The following NOTCH1 variants were observed in gnomAD, a reference collection of about 807,000 sequenced individuals.
The protein encoded by NOTCH1 is neurogenic locus notch homolog protein 1.
NOTCH1 carries 37 observed loss-of-function variants against 254.8 expected under a neutral mutation model. That is an observed-to-expected ratio of 0.15 (90% CI 0.11 to 0.19). The LOEUF is 0.19. Ranked by LOEUF, NOTCH1 falls within the 10% of genes least tolerant of loss-of-function variation. The pLI, the probability that NOTCH1 is intolerant of heterozygous loss-of-function variation, is 1.00. For synonymous variants in NOTCH1, 1,731 were observed against 1,618.1 expected, an observed-to-expected ratio of 1.07 and a Z score of -1.68; for missense variants, 2,972 against 3,708.6, an observed-to-expected ratio of 0.80 and a Z score of 5.16.
intron 21 of NOTCH1, among the ~76,000 whole-genome samples, 183 bp from the exon 22 acceptor site, chr9:136,507,620 C>T (rs1395120662): frequency 1.3e-5 from 2 of 152,208 alleles, no homozygotes. Context: ...GGCGGGGCCT[C>T]GGTGACCGGA....
At position 136,545,002 on chromosome 9, in the gene NOTCH1, TCC is replaced by T. The variant is rs1157939878; in HGVS notation, c.61+722_61+723del. 6.6e-6 allele frequency among the ~76,000 whole-genome samples: 1 copy of T among 151,988 alleles called. No individual in the cohort carries two copies. Among genetic ancestry groups the T allele is most frequent in the Non-Finnish European group, 1.5e-5 (1 of 67,978 alleles). On this transcript the variant is annotated intron_variant, in intron 1 of 33. Transcript: ENST00000651671. This position sits in a 1 kb window ranked among gnomAD's most constrained non-coding sequence, Gnocchi z 6.8. ...AGAAAGAGTGGATTAATCACTCGAT[TCC>T]CCAGAGACCCCGCTCGCTGTGCGGC...
At chr9:136,539,714 G>C (rs1843704441) in intron 2 of NOTCH1, among the ~76,000 whole-genome samples, 1 of 152,196 alleles carries the variant, frequency 6.6e-6, no homozygotes, top group African/African-American at 2.4e-5. Flanking sequence ...ATAAACAGGA[G>C]GTCCTGTCAC....
chr9:136,518,068 C>G, intron 7 of NOTCH1, 69 bp downstream of exon 7: 2 of 1,551,608 alleles, frequency 1.3e-6, no homozygotes, highest in Admixed American at 1.9e-5. Flanking sequence ...AAGCCAGAAT[C>G]GACTTCTCAT....
At chr9:136,534,738 G>A (rs1288867785) in intron 2 of NOTCH1, among the ~76,000 whole-genome samples, 1 of 151,970 alleles carries the variant, frequency 6.6e-6, no homozygotes, top group African/African-American at 2.4e-5. Context: ...GACCCCGATG[G>A]GGCCGCTGTG....
chr9:136,500,657 G>T lies in NOTCH1; in HGVS notation c.5829C>A (p.Ala1943=), dbSNP rs1036442909. 3 of 1,611,798 alleles carry T rather than the reference G, an allele frequency of 1.9e-6. No individual in the cohort carries two copies. The highest frequency in any genetic ancestry group is 2.5e-6 in the Non-Finnish European group (3 of 1,179,900). The change falls in exon 31 of 34, where the codon GCC becomes GCA. Residue 1943 remains alanine, a synonymous_variant. Coordinates refer to ENST00000651671, the MANE Select transcript of NOTCH1 (RefSeq NM_017617.5). ...HLAARYSRSD[A]AKRLLEASAD... The stretch of plus-strand genomic sequence containing the variant: ...CGCTGGCCTCCAGCAGGCGCTTGGC[G>T]GCATCAGAGCGTGAGTAGCGGGCGG...
Position 136,499,012 on chromosome 9 carries a change from A to C in NOTCH1, c.6083-16T>G, listed in dbSNP as rs1050080917. 1 of 1,612,998 alleles carries C rather than the reference A, an allele frequency of 6.2e-7. No individual in the cohort carries two copies. The highest frequency in any genetic ancestry group is 1.7e-5 in the Admixed American group (1 of 60,018). On this transcript the variant is annotated splice_polypyrimidine_tract_variant and intron_variant, in intron 32 of 33. Transcript: ENST00000651671. ...GCGGACTTGCCTGCGTGAAAGAAGC[A>C]GATGGGGTAGGTTGGAGACCAGCTG...
intron 2 of NOTCH1, among the ~76,000 whole-genome samples, chr9:136,525,879 C>T (rs1022202579): frequency 1.3e-5 from 2 of 152,256 alleles, no homozygotes; most frequent in Non-Finnish European, 2.9e-5. Context: ...GTGACCACGG[C>T]TTGGGTAGAG....
Position 136,507,377 on chromosome 9 carries a change from G to T in NOTCH1, c.3571C>A (p.Pro1191Thr). ...SEEIDECLSHPCQNGGTCLDL... is the reference protein window; with the variant it reads ...SEEIDECLSHTCQNGGTCLDL... ...AGGCAGGTGCCCCCGTTCTGGCAGG[G>T]GTGGGAGAGGCACTCGTCGATCTCC... The change falls in exon 22 of 34, where the codon CCC becomes ACC. Residue 1191 changes from proline to threonine, a missense_variant. By Grantham distance (38) the Pro-to-Thr change is conservative. Around this residue, in one of 8 missense-constraint regions of NOTCH1, gnomAD observed 1,343 missense variants for 1,557.0 expected, o/e 0.86. Coordinates refer to ENST00000651671, the MANE Select transcript of NOTCH1 (RefSeq NM_017617.5). 1 of 1,612,574 alleles carries T rather than the reference G, an allele frequency of 6.2e-7. No individual in the cohort carries two copies. Among genetic ancestry groups the T allele is most frequent in the Non-Finnish European group, 8.5e-7 (1 of 1,179,776 alleles).
rs202229687 is a variant in NOTCH1, at chr9:136,497,073, C to T, written c.6666G>A (p.Pro2222=). The stretch of plus-strand genomic sequence containing the variant: ...GGGGCACGGACGGAGACTGCTGGAA[C>T]GGGGAGGGCAGCAGTGGCGGCGAGG... ...DVASPPLLPS[P]FQQSPSVPLN... The change falls in exon 34 of 34, where the codon CCG becomes CCA. Residue 2222 remains proline (P), a synonymous_variant. Transcript: ENST00000651671. 1.1e-4 allele frequency: 174 copies of T among 1,609,430 alleles called. No individual in the cohort carries two copies. The highest frequency in any genetic ancestry group is 1.5e-4 in the South Asian group (14 of 90,990).
intron 9 of NOTCH1, 141 bp from the exon 10 acceptor site, chr9:136,516,235 T>C: frequency 1.5e-6 from 1 of 663,968 alleles, no homozygotes; most frequent in Non-Finnish European, 2.7e-6. Context: ...GCTCCAGCTC[T>C]CCCTGCCTCC....
At position 136,523,895 on chromosome 9, in the gene NOTCH1, G is replaced by A. The variant is rs776616401; in HGVS notation, c.225C>T (p.His75=). 16 of 1,608,610 alleles carry A rather than the reference G, an allele frequency of 9.9e-6. No homozygotes were observed. In the East Asian group the frequency reaches 1.6e-4, roughly 16 times the overall value. Residue 75 remains histidine (H), a synonymous_variant, in exon 3 of 34, where the codon CAC becomes CAT. Transcript: ENST00000651671. The part of the protein sequence containing the change: ...STPCKNAGTC[H]VVDRRGVADY... Reference sequence around the variant, plus strand: ...CTGCCACGCCTCTGCGGTCCACCACGTGGCATGTCCCGGCGTTCTTGCAGG... The same window carrying A: ...CTGCCACGCCTCTGCGGTCCACCACATGGCATGTCCCGGCGTTCTTGCAGG...
chr9:136,496,604 G>C lies in NOTCH1; in HGVS notation c.7135C>G (p.Leu2379Val). 1 of 1,612,976 alleles carries C rather than the reference G, an allele frequency of 6.2e-7. No individual in the cohort carries two copies. Among genetic ancestry groups the C allele is most frequent in the Non-Finnish European group, 8.5e-7 (1 of 1,179,984 alleles). ...PSTRLATQPH[L>V]VQTQQVQPQN... ...GGCTGCACCTGCTGGGTCTGCACCA[G>C]GTGAGGCTGGGTGGCCAGCCGGGTG... Residue 2379 changes from leucine to valine, a missense_variant, in exon 34 of 34, where the codon CTG (leucine) becomes GTG (valine). This residue lies in a region of NOTCH1 where 529 missense variants were observed against 529.2 expected (regional missense o/e 1.00). Transcript: ENST00000651671.
Position 136,525,601 on chromosome 9 carries a change from C to T in NOTCH1, c.141-1622G>A, listed in dbSNP as rs982546937. On this transcript the variant is annotated intron_variant, in intron 2 of 33. Coordinates refer to ENST00000651671, the MANE Select transcript of NOTCH1 (RefSeq NM_017617.5). ...AGCCCACCTGGGTGCGGGGCTGCGG[C>T]GGCCGCCTGCCCCAGGACCGGCCCT... Among the ~76,000 whole-genome samples, 5 of 152,314 alleles carry T rather than the reference C, an allele frequency of 3.3e-5. No individual in the cohort carries two copies. In the East Asian group the frequency reaches 5.8e-4, roughly 18 times the overall value.
chr9:136,517,012 G>A (rs1312729927), intron 9 of NOTCH1, among the ~76,000 whole-genome samples: 2 of 150,798 alleles, frequency 1.3e-5, no homozygotes, highest in Admixed American at 6.6e-5. Context: ...CCCAGGGGCA[G>A]GGGACACAAT....
intron 6 of NOTCH1, 113 bp downstream of exon 6, chr9:136,518,478 G>A: frequency 8.7e-7 from 1 of 1,145,538 alleles, no homozygotes; most frequent in Non-Finnish European, 1.3e-6. Flanking sequence ...GACCAGAAAG[G>A]CCCTTTCAGG....
intron 10 of NOTCH1, 45 bp from the exon 11 acceptor site, chr9:136,515,761 G>T: frequency 6.6e-7 from 1 of 1,504,252 alleles, no homozygotes; most frequent in Non-Finnish European, 8.9e-7. Context: ...AGGACTGGCG[G>T]CCCCCGGGAC....
rs1843292224 is a variant in NOTCH1 at position 136,517,336 on chromosome 9, G to A, written c.1491C>T (p.Ser497=). The A allele has an allele frequency of 6.2e-7, 1 of 1,609,498 alleles. No homozygotes were observed. Among genetic ancestry groups the A allele is most frequent in the South Asian group, 1.1e-5 (1 of 90,494 alleles). The change falls in exon 9 of 34, where the codon AGC becomes AGT. Residue 497 remains serine (S), a synonymous_variant. Coordinates refer to ENST00000651671, the MANE Select transcript of NOTCH1 (RefSeq NM_017617.5). Reference sequence around the variant, plus strand: ...GGCAGCGGCCATTGTGCAGGCAGGGGCTGCTGGCACACTCGTCTGTGTTGA... The same window carrying A: ...GGCAGCGGCCATTGTGCAGGCAGGGACTGCTGGCACACTCGTCTGTGTTGA... ...CEVNTDECAS[S]PCLHNGRCLD... is the part of the protein sequence containing the mutation.
chr9:136,529,764 G>A (rs548186318), intron 2 of NOTCH1, among the ~76,000 whole-genome samples: 97 of 152,356 alleles, frequency 6.4e-4, no homozygotes, highest in African/African-American at 2.2e-3. Flanking sequence ...TTCTGCTCCC[G>A]GCTTCCTTCC....
intron 2 of NOTCH1, among the ~76,000 whole-genome samples, chr9:136,533,427 A>G (rs944878839): frequency 6.6e-6 from 1 of 152,202 alleles, no homozygotes; most frequent in Admixed American, 6.5e-5. Context: ...CAACAGCTGA[A>G]ACCGAGCGGA....
Sources: allele counts gnomAD v4.1 joint callset (sites outside exome capture counted in the v4.1 genomes callset), GRCh38; gene constraint gnomAD v4.1.1; regional missense constraint gnomAD v4.1.1; non-coding constraint Gnocchi (gnomAD v3.1); transcripts MANE v1.5; gene names NCBI Gene and HGNC (gene_info 2026-07-23, HGNC 2026-07-21).